Variants in SMYD3 observed in about 807,000 individuals in gnomAD.
SMYD3 encodes SET and MYND domain containing 3.
SMYD3 carries 36 observed loss-of-function variants against 57.7 expected under a neutral mutation model. The observed-to-expected ratio is 0.62, with a 90% CI of 0.48 to 0.82. The LOEUF (loss-of-function observed/expected upper bound fraction) is 0.82, where lower values mean the gene tolerates loss of function less well. Ranked by LOEUF, SMYD3 falls within the 40% of genes least tolerant of loss-of-function variation. The pLI, the probability that SMYD3 is intolerant of heterozygous loss-of-function variation, is 0.00. For missense variants in SMYD3, 515 were observed against 538.8 expected, an observed-to-expected ratio of 0.96 and a Z score of 0.44; for synonymous variants, 211 against 195.0, an observed-to-expected ratio of 1.08 and a Z score of -0.68.
chr1:246,470,263 G>A (rs539589499), intron 1 of SMYD3, among the ~76,000 whole-genome samples: 16 of 152,062 alleles, frequency 1.1e-4, no homozygotes, highest in South Asian at 1.0e-3. Context: ...AGGTCGAGGC[G>A]GGAGGATCAC....
intron 1 of SMYD3, among the ~76,000 whole-genome samples, chr1:246,497,879 A>G (rs2068388867): frequency 1.3e-5 from 2 of 152,106 alleles, no homozygotes; most frequent in African/African-American, 2.4e-5. Flanking sequence ...GAGGAAAAAA[A>G]AAAAGAAAAG....
At chr1:246,322,882 C>T (rs776138080) in intron 5 of SMYD3, among the ~76,000 whole-genome samples, 1 of 152,202 alleles carries the variant, frequency 6.6e-6, no homozygotes, top group Non-Finnish European at 1.5e-5. Flanking sequence ...TTTTAAACAT[C>T]AAGCTCTTAT....
At chr1:245,920,260 A>C (rs111568815) in intron 7 of SMYD3, among the ~76,000 whole-genome samples, 8,798 of 143,794 alleles carry the variant, frequency 0.061, 846 homozygotes, top group African/African-American at 0.21. Context: ...TTGCAGTGAG[A>C]CGAGATCATG....
At chr1:245,950,866 T>C (rs539394751) in intron 5 of SMYD3, among the ~76,000 whole-genome samples, 27 of 152,328 alleles carry the variant, frequency 1.8e-4, no homozygotes, top group Non-Finnish European at 3.7e-4. Context: ...TTTTCACCTA[T>C]CACACCGCTC....
chr1:246,389,950 G>C (rs898313121), intron 1 of SMYD3, among the ~76,000 whole-genome samples: 2 of 152,128 alleles, frequency 1.3e-5, no homozygotes, highest in African/African-American at 4.8e-5. Flanking sequence ...CAAACTTGGG[G>C]CTGTCTGCAA....
chr1:245,858,628 C>T lies in SMYD3; in HGVS notation c.944G>A (p.Ser315Asn). The T allele has an allele frequency of 3.7e-6, 6 of 1,614,222 alleles. No individual in the cohort carries two copies. The highest frequency in any genetic ancestry group is 5.1e-6 in the Non-Finnish European group (6 of 1,180,022). ...GATATCGGGAAGCCGTTCAGAATTG[C>T]TGCTTATGATTGCCTGGCACATGGC... ...VLAMCQAIIS[S>N]NSERLPDINI... The change falls in exon 10 of 12, where the codon AGC becomes AAC. Residue 315 changes from serine to asparagine, a missense_variant. Transcript: ENST00000490107.
intron 5 of SMYD3, among the ~76,000 whole-genome samples, chr1:245,986,118 C>T (rs2058700135): frequency 6.6e-6 from 1 of 152,206 alleles, no homozygotes; most frequent in South Asian, 2.1e-4. Flanking sequence ...TTTAATTCTC[C>T]TCCTACAGAA....
At chr1:246,282,302 C>A (rs2064460561) in intron 5 of SMYD3, among the ~76,000 whole-genome samples, 1 of 45,438 alleles carries the variant, frequency 2.2e-5, no homozygotes, top group Non-Finnish European at 3.9e-5. Flanking sequence ...ACCCTCATCT[C>A]TACAAAAAAA....
chr1:246,078,151 G>A (rs2060578248), intron 5 of SMYD3, among the ~76,000 whole-genome samples: 1 of 151,876 alleles, frequency 6.6e-6, no homozygotes, highest in Non-Finnish European at 1.5e-5. Context: ...TTTCTCCCCT[G>A]CCCCAAACAC....
intron 1 of SMYD3, among the ~76,000 whole-genome samples, chr1:246,487,997 C>T (rs1400399494): frequency 6.6e-6 from 1 of 152,030 alleles, no homozygotes; most frequent in Non-Finnish European, 1.5e-5. Context: ...CCTGGCCCTC[C>T]CTTTTAGCAT....
chr1:246,092,072 C>T (rs1458504849), intron 5 of SMYD3, among the ~76,000 whole-genome samples: 1 of 151,886 alleles, frequency 6.6e-6, no homozygotes, highest in Non-Finnish European at 1.5e-5. Flanking sequence ...TTCTGTTATC[C>T]ATTCAAATCT....
intron 5 of SMYD3, among the ~76,000 whole-genome samples, chr1:246,237,846 T>C (rs1159140905): frequency 6.6e-6 from 1 of 151,080 alleles, no homozygotes; most frequent in Non-Finnish European, 1.5e-5. Context: ...CTGCAGTTGT[T>C]TTACCTGCTG....
chr1:246,104,016 G>A (rs2061071408), intron 5 of SMYD3, among the ~76,000 whole-genome samples: 1 of 152,168 alleles, frequency 6.6e-6, no homozygotes, highest in South Asian at 2.1e-4. Context: ...ACTCTTTTCA[G>A]GGTTTCTGTA....
intron 5 of SMYD3, among the ~76,000 whole-genome samples, chr1:246,089,225 C>G (rs1319069107): frequency 1.3e-5 from 2 of 152,078 alleles, no homozygotes; most frequent in Admixed American, 6.6e-5. Flanking sequence ...GTAATCCTCC[C>G]GCCTCAGCCT....
intron 8 of SMYD3, among the ~76,000 whole-genome samples, chr1:245,870,694 C>T (rs1467543476): frequency 2.0e-5 from 3 of 152,208 alleles, no homozygotes; most frequent in African/African-American, 7.2e-5. Context: ...CTTTGGGTTT[C>T]GGAGTGGGAA....
chr1:246,110,669 C>T (rs1353762140), intron 5 of SMYD3, among the ~76,000 whole-genome samples: 5 of 152,224 alleles, frequency 3.3e-5, no homozygotes, highest in African/African-American at 9.6e-5. Flanking sequence ...GTCACCAGGG[C>T]AATTATACCT....
At position 246,496,334 on chromosome 1, in the gene SMYD3, A is replaced by T. The variant is rs528239873; in HGVS notation, c.164+10720T>A. ...CAGGCGTGAGCCACCACGCCTGGCC[A>T]GTTTCTTGATTTTTTTCATTATAAG... On this transcript the variant is annotated intron_variant, in intron 1 of 11. Transcript: ENST00000490107. Among the ~76,000 whole-genome samples the T allele has an allele frequency of 3.6e-4, 54 of 152,042 alleles. No homozygotes were observed. The South Asian group carries it at 0.011, about 32-fold the overall frequency.
chr1:245,846,126 G>A (rs2050651934), intron 10 of SMYD3, among the ~76,000 whole-genome samples: 1 of 152,226 alleles, frequency 6.6e-6, no homozygotes, highest in Non-Finnish European at 1.5e-5. Context: ...GAAGCCATCT[G>A]TCTCACCACG....
intron 5 of SMYD3, among the ~76,000 whole-genome samples, chr1:246,057,162 A>G (rs2060166343): frequency 6.6e-6 from 1 of 152,204 alleles, no homozygotes; most frequent in African/African-American, 2.4e-5. Flanking sequence ...ATCTACCTCA[A>G]AGGGCTTTTG....
Sources: gnomAD v4.1 joint callset for allele counts (sites outside exome capture counted in the v4.1 genomes callset) on GRCh38, gnomAD v4.1.1 for gene constraint, MANE v1.5 for transcripts, NCBI Gene and HGNC (gene_info 2026-07-23, HGNC 2026-07-21) for gene names.